The following RPS6KC1 variants were observed in gnomAD, a reference collection of about 807,000 sequenced individuals.
RPS6KC1 encodes the protein ribosomal protein S6 kinase C1, also known as inactive ribosomal protein S6 kinase delta-1.
Under a neutral mutation model 103.8 loss-of-function variants are expected in RPS6KC1, and 54 were observed. That is an observed-to-expected ratio of 0.52 (90% CI 0.42 to 0.65). The LOEUF is 0.65. RPS6KC1 is among the 30% of genes least tolerant of loss of function. The pLI is 0.00. For missense variants in RPS6KC1, 1,151 were observed against 1,253.8 expected (o/e 0.92, Z 1.24); for synonymous variants, 439 against 438.7 (o/e 1.00, Z -0.01).
chr1:213,190,179 A>G (rs1440797747), intron 8 of RPS6KC1, among the ~76,000 whole-genome samples: 1 of 151,982 alleles, frequency 6.6e-6, no homozygotes, highest in Non-Finnish European at 1.5e-5. Context: ...TAAGAGTGGG[A>G]TTGCTGGAGG....
chr1:213,484,528 C>A, the RPS6KC1 span, among the ~76,000 whole-genome samples: 1 of 152,190 alleles, frequency 6.6e-6, no homozygotes, highest in South Asian at 2.1e-4. Flanking sequence ...AGAGCGAGCA[C>A]CCCTGATGTA....
At chr1:213,102,183 G>A (rs2082075277) in intron 3 of RPS6KC1, among the ~76,000 whole-genome samples, 1 of 152,192 alleles carries the variant, frequency 6.6e-6, no homozygotes, top group Admixed American at 6.5e-5. Context: ...CTTCCTCATG[G>A]CAAAAGATTT....
chr1:213,056,833 C>T (rs2077365752), intron 1 of RPS6KC1, among the ~76,000 whole-genome samples: 1 of 150,426 alleles, frequency 6.6e-6, no homozygotes, highest in Non-Finnish European at 1.5e-5. Flanking sequence ...CAGGTGTCAG[C>T]TATACCCTGT....
At chr1:213,743,500 A>G in the RPS6KC1 span, among the ~76,000 whole-genome samples, 1 of 152,214 alleles carries the variant, frequency 6.6e-6, no homozygotes, top group African/African-American at 2.4e-5. Flanking sequence ...TGTATATAAA[A>G]TAAAAGTTGA....
At chr1:213,257,745 C>T (rs980662373) in intron 12 of RPS6KC1, among the ~76,000 whole-genome samples, 2 of 140,882 alleles carry the variant, frequency 1.4e-5, no homozygotes, top group African/African-American at 2.6e-5. Flanking sequence ...AAACTGATGG[C>T]TGACAGATAA....
the RPS6KC1 span, among the ~76,000 whole-genome samples, chr1:213,369,741 T>C: frequency 0.46 from 70,493 of 152,206 alleles, 19,873 homozygotes; most frequent in African/African-American, 0.8. Context: ...GCAGCTGGTG[T>C]GGCCAGCAGG....
chr1:213,826,689 T>C, the RPS6KC1 span, among the ~76,000 whole-genome samples: 1 of 152,226 alleles, frequency 6.6e-6, no homozygotes, highest in African/African-American at 2.4e-5. Flanking sequence ...GGCTGACAAT[T>C]AATGAGTTCT....
chr1:213,265,677 A>G (rs573054133), intron 14 of RPS6KC1, among the ~76,000 whole-genome samples: 21 of 152,342 alleles, frequency 1.4e-4, no homozygotes, highest in Middle Eastern at 3.4e-3. Flanking sequence ...TCTTTGAGCA[A>G]TTAGGTTTAA....
At chr1:213,484,419 GT>G in the RPS6KC1 span, among the ~76,000 whole-genome samples, 1 of 152,170 alleles carries the variant, frequency 6.6e-6, no homozygotes, top group Non-Finnish European at 1.5e-5. Context: ...GTCCAGGCTC[GT>G]TTATGTGGTT....
the RPS6KC1 span, among the ~76,000 whole-genome samples, chr1:213,829,208 T>G: frequency 1.4e-5 from 2 of 138,454 alleles, no homozygotes; most frequent in South Asian, 4.6e-4. Context: ...TGCATTTAAT[T>G]AAAGGCCCTT....
the RPS6KC1 span, among the ~76,000 whole-genome samples, chr1:213,707,184 A>G: frequency 6.6e-6 from 1 of 152,120 alleles, no homozygotes; most frequent in African/African-American, 2.4e-5. Flanking sequence ...AAGCATTCCT[A>G]TTTCTCCACA....
the RPS6KC1 span, among the ~76,000 whole-genome samples, chr1:213,461,765 A>G: frequency 6.6e-6 from 1 of 152,150 alleles, no homozygotes; most frequent in Non-Finnish European, 1.5e-5. Flanking sequence ...TATCTTATAC[A>G]AAAATTAAGA....
the RPS6KC1 span, among the ~76,000 whole-genome samples, chr1:213,681,266 G>T: frequency 6.6e-6 from 1 of 152,230 alleles, no homozygotes; most frequent in Non-Finnish European, 1.5e-5. Context: ...TCACAGTGGG[G>T]CTGGGTGTGA....
At chr1:213,179,633 A>G (rs1485683922) in intron 8 of RPS6KC1, among the ~76,000 whole-genome samples, 2 of 152,154 alleles carry the variant, frequency 1.3e-5, no homozygotes, top group Non-Finnish European at 2.9e-5. Flanking sequence ...ATTCTGTTTC[A>G]TTACAGTATT....
At chr1:213,386,492 A>G in the RPS6KC1 span, among the ~76,000 whole-genome samples, 1 of 152,210 alleles carries the variant, frequency 6.6e-6, no homozygotes, top group Admixed American at 6.5e-5. Context: ...CAGTGCCCAT[A>G]TTACTGTTCT....
At chr1:213,611,187 G>A in the RPS6KC1 span, among the ~76,000 whole-genome samples, 2 of 152,126 alleles carry the variant, frequency 1.3e-5, no homozygotes, top group African/African-American at 4.8e-5. Context: ...TATGTGGAGG[G>A]AACAACATTT....
chr1:213,373,859 T>G, the RPS6KC1 span, among the ~76,000 whole-genome samples: 2 of 152,228 alleles, frequency 1.3e-5, no homozygotes, highest in Admixed American at 1.3e-4. Flanking sequence ...AAGGATCTGT[T>G]TGTGGCATTT....
chr1:213,620,593 A>C, the RPS6KC1 span, among the ~76,000 whole-genome samples: 2 of 152,218 alleles, frequency 1.3e-5, no homozygotes, highest in Non-Finnish European at 2.9e-5. Flanking sequence ...GAGAGAATAA[A>C]ATCCCACCTC....
chr1:213,284,265 C>T, the RPS6KC1 span, among the ~76,000 whole-genome samples: 1 of 152,114 alleles, frequency 6.6e-6, no homozygotes, highest in Admixed American at 6.5e-5. Context: ...GCCTGTAATA[C>T]CAACACTTTG....
Sources: allele counts gnomAD v4.1 joint callset (sites outside exome capture counted in the v4.1 genomes callset), GRCh38; gene constraint gnomAD v4.1.1; transcripts MANE v1.5; gene names NCBI Gene and HGNC (gene_info 2026-07-23, HGNC 2026-07-21).